Variants in NTRK3 observed in about 807,000 individuals in gnomAD.
NTRK3 encodes NT-3 growth factor receptor.
A neutral mutation model predicts 91.7 loss-of-function variants in NTRK3; 24 were observed. That is an observed-to-expected ratio of 0.26 (90% CI 0.19 to 0.37). The LOEUF (loss-of-function observed/expected upper bound fraction) is 0.37. NTRK3 is among the 10% of genes least tolerant of loss of function. The probability of loss-of-function intolerance (pLI) is 1.00; values close to 1 mark genes in which losing one functional copy is unlikely to be tolerated. For synonymous variants in NTRK3, 483 were observed against 404.0 expected, an observed-to-expected ratio of 1.20 and a Z score of -2.34; for missense variants, 880 against 1,068.9, an observed-to-expected ratio of 0.82 and a Z score of 2.46.
intron 13 of NTRK3, among the ~76,000 whole-genome samples, chr15:88,047,689 C>T (rs2080358996): frequency 6.6e-6 from 1 of 152,194 alleles, no homozygotes; most frequent in African/African-American, 2.4e-5. Context: ...AGTATCTCCT[C>T]ATTCAGTTCA....
At chr15:87,969,078 C>T (rs890144935) in intron 14 of NTRK3, among the ~76,000 whole-genome samples, 2 of 152,190 alleles carry the variant, frequency 1.3e-5, no homozygotes, top group African/African-American at 2.4e-5. Flanking sequence ...AATTATCCTT[C>T]CTATGCCCAG....
chr15:88,054,294 A>C (rs552125848), intron 13 of NTRK3, among the ~76,000 whole-genome samples: 16 of 152,344 alleles, frequency 1.1e-4, no homozygotes, highest in African/African-American at 3.6e-4. Context: ...TGTTCTATAT[A>C]TCTACTGACC....
intron 14 of NTRK3, among the ~76,000 whole-genome samples, chr15:87,988,525 G>C (rs1446205742): frequency 6.6e-6 from 1 of 152,214 alleles, no homozygotes; most frequent in South Asian, 2.1e-4. Flanking sequence ...AGAGATATAA[G>C]GGAATGCTCG....
At chr15:87,875,429 C>A (rs2141427037) in exon 19 of NTRK3, 1 of 232,066 alleles carries the variant, frequency 4.3e-6, no homozygotes, top group East Asian at 6.1e-5. Context: ...AGTGCTGGGG[C>A]AGAGGGAGCA....
At chr15:88,001,230 T>C (rs1160777734) in intron 14 of NTRK3, among the ~76,000 whole-genome samples, 4 of 152,190 alleles carry the variant, frequency 2.6e-5, no homozygotes, top group Admixed American at 2.6e-4. Context: ...TTATATATTC[T>C]GGATACTACT....
At chr15:88,127,352 G>A in intron 11 of NTRK3, 126 bp from the exon 12 acceptor site, 1 of 793,420 alleles carries the variant, frequency 1.3e-6, no homozygotes, top group Non-Finnish European at 2.2e-6. Context: ...CTGAAAGCCA[G>A]GCTCTTGCAG....
At chr15:88,051,681 C>T (rs1350392392) in intron 13 of NTRK3, among the ~76,000 whole-genome samples, 4 of 152,116 alleles carry the variant, frequency 2.6e-5, no homozygotes, top group Non-Finnish European at 5.9e-5. Context: ...AAGCCCTTGG[C>T]ATGGTATAAG....
At chr15:87,861,433 G>T (rs541981733) in exon 19 of NTRK3, 1 of 206,184 alleles carries the variant, frequency 4.9e-6, no homozygotes, top group Non-Finnish European at 9.9e-6. Flanking sequence ...TCATTTACAC[G>T]ACAATAAATC....
chr15:87,912,931 A>AAAAAAAAT (rs1484111389), intron 17 of NTRK3, among the ~76,000 whole-genome samples: 1 of 36,502 alleles, frequency 2.7e-5, no homozygotes, highest in Non-Finnish European at 4.7e-5. Flanking sequence ...AGTAAAAAAA[A>AAAAAAAAT]ATATATATAT....
chr15:88,103,137 A>G (rs1167309566), intron 13 of NTRK3, among the ~76,000 whole-genome samples: 5 of 152,192 alleles, frequency 3.3e-5, no homozygotes, highest in Admixed American at 3.3e-4. Context: ...ACTTGGCTAG[A>G]TGGTAGGACT....
chr15:88,229,683 C>G (rs141448738), intron 3 of NTRK3, among the ~76,000 whole-genome samples: 3 of 152,220 alleles, frequency 2.0e-5, no homozygotes, highest in Non-Finnish European at 4.4e-5. Context: ...CCTGGTCACT[C>G]TCTGCACACA....
At chr15:88,043,332 C>G (rs777539448) in intron 13 of NTRK3, among the ~76,000 whole-genome samples, 3 of 152,190 alleles carry the variant, frequency 2.0e-5, no homozygotes, top group Non-Finnish European at 4.4e-5. Context: ...CCCGAGGCCC[C>G]ATGAAGAGAT....
At chr15:88,005,722 C>T (rs1333435133) in intron 14 of NTRK3, among the ~76,000 whole-genome samples, 1 of 152,144 alleles carries the variant, frequency 6.6e-6, no homozygotes, top group South Asian at 2.1e-4. Context: ...CCCTCTCTTA[C>T]CAAAATAAGC....
At chr15:88,064,270 G>T (rs144469459) in intron 13 of NTRK3, among the ~76,000 whole-genome samples, 1 of 152,294 alleles carries the variant, frequency 6.6e-6, no homozygotes, top group Non-Finnish European at 1.5e-5. Flanking sequence ...AACAGTAAGA[G>T]AATACATTTC....
At position 87,882,779 on chromosome 15, in the gene NTRK3, A is replaced by C. The variant is rs981617753; in HGVS notation, c.2134-2351T>G. On this transcript the variant is annotated intron_variant, in intron 17 of 18. Transcript: ENST00000394480. ...GTAGCTTCTAGAATAGAAATAGTACATATAGCTTTCAAACCGTTTTTTAAA... is the reference window on the plus strand; with the variant it reads ...GTAGCTTCTAGAATAGAAATAGTACCTATAGCTTTCAAACCGTTTTTTAAA... Among the ~76,000 whole-genome samples, 7 of 152,138 alleles carry C rather than the reference A, an allele frequency of 4.6e-5. No individual in the cohort carries two copies. The East Asian group carries it at 1.2e-3, about 25-fold the overall frequency.
At chr15:88,127,984 C>G (rs2151124988) in intron 11 of NTRK3, among the ~76,000 whole-genome samples, 1 of 152,248 alleles carries the variant, frequency 6.6e-6, no homozygotes, top group African/African-American at 2.4e-5. Context: ...CTGAAGACAA[C>G]TAAAGAAATC....
chr15:87,865,899 C>A (rs1004688099), exon 19 of NTRK3: 5 of 229,800 alleles, frequency 2.2e-5, no homozygotes, highest in Non-Finnish European at 4.3e-5. Flanking sequence ...AATGGCAAAA[C>A]TTCTAAAAAA....
Position 88,237,777 on chromosome 15 carries a change from A to C in NTRK3, c.248+18129T>G, listed in dbSNP as rs527518929. Among the ~76,000 whole-genome samples, 2 of 152,336 alleles carry C rather than the reference A, an allele frequency of 1.3e-5. No individual in the cohort carries two copies. Among genetic ancestry groups the C allele is most frequent in the African/African-American group, 4.8e-5 (2 of 41,564 alleles). On this transcript the variant is annotated intron_variant, in intron 3 of 18. Transcript: ENST00000394480. The surrounding 1 kb of genome is among the most constrained non-coding windows in gnomAD (Gnocchi z 4.0). ...GACACACCAAAATAAAATGAGAAAAAAAAAATCAGCCTTGATGAACTTCCA... is the reference window on the plus strand; with the variant it reads ...GACACACCAAAATAAAATGAGAAAACAAAAATCAGCCTTGATGAACTTCCA...
At chr15:88,056,475 A>AT (rs2045706117) in intron 13 of NTRK3, among the ~76,000 whole-genome samples, 1 of 152,152 alleles carries the variant, frequency 6.6e-6, no homozygotes, top group Non-Finnish European at 1.5e-5. Context: ...GTAGTTTATT[A>AT]TCTGCCTCGG....
Sources: allele counts gnomAD v4.1 joint callset (sites outside exome capture counted in the v4.1 genomes callset), GRCh38; gene constraint gnomAD v4.1.1; non-coding constraint Gnocchi (gnomAD v3.1); transcripts MANE v1.5; gene names NCBI Gene and HGNC (gene_info 2026-07-23, HGNC 2026-07-21).